Variants in TNKS observed in about 807,000 individuals in gnomAD.
The protein encoded by TNKS is tankyrase.
Under a neutral mutation model 135.8 loss-of-function variants are expected in TNKS, and 72 were observed. The ratio of observed to expected loss-of-function variants is 0.53; its 90% CI spans 0.44 to 0.64. The LOEUF is 0.64. TNKS is among the 30% of genes least tolerant of loss of function. The pLI is 0.00. For synonymous variants in TNKS, 849 were observed against 649.3 expected (o/e 1.31, Z -4.68); for missense variants, 1,769 against 1,674.0 (o/e 1.06, Z -0.99).
intron 17 of TNKS, among the ~76,000 whole-genome samples, chr8:9,746,137 C>G (rs564284289): frequency 6.6e-6 from 1 of 152,052 alleles, no homozygotes; most frequent in Non-Finnish European, 1.5e-5. Context: ...CCAAACTGAC[C>G]AAGTTATGCC....
chr8:9,740,058 A>T (rs1484557591), intron 17 of TNKS, among the ~76,000 whole-genome samples: 16 of 22,714 alleles, frequency 7.0e-4, no homozygotes, highest in African/African-American at 1.5e-3. Context: ...AGTATAATAA[A>T]AAAAAAAAAA....
At chr8:9,655,716 G>C (rs547331126) in intron 3 of TNKS, among the ~76,000 whole-genome samples, 1 of 152,186 alleles carries the variant, frequency 6.6e-6, no homozygotes, top group African/African-American at 2.4e-5. Flanking sequence ...CAAACAGAAA[G>C]GACATCCACA....
At chr8:9,747,987 C>A (rs34614689) in intron 17 of TNKS, 37 bp from the exon 18 acceptor site, 126,728 of 1,560,262 alleles carry the variant, frequency 0.081, 6,216 homozygotes, top group South Asian at 0.17. Context: ...CAGATGATCT[C>A]ATTCTTAACT....
chr8:9,590,245 TTCTC>T (rs1798541042), intron 2 of TNKS, among the ~76,000 whole-genome samples: 1 of 152,064 alleles, frequency 6.6e-6, no homozygotes. Flanking sequence ...TTCCCTCCCT[TTCTC>T]TCCACCTTCC....
intron 5 of TNKS, among the ~76,000 whole-genome samples, chr8:9,684,885 A>C (rs1055150916): frequency 6.6e-6 from 1 of 152,156 alleles, no homozygotes; most frequent in African/African-American, 2.4e-5. Flanking sequence ...AAGCTAATGC[A>C]TTAAAATGAT....
At chr8:9,716,290 T>A (rs1186917013) in intron 11 of TNKS, among the ~76,000 whole-genome samples, 2 of 152,138 alleles carry the variant, frequency 1.3e-5, no homozygotes, top group Non-Finnish European at 2.9e-5. Context: ...AGAGGTAGAT[T>A]GATAAGTAGA....
intron 12 of TNKS, among the ~76,000 whole-genome samples, chr8:9,723,390 A>G (rs1310357386): frequency 1.4e-5 from 2 of 143,856 alleles, no homozygotes; most frequent in Non-Finnish European, 3.0e-5. Flanking sequence ...ATAACATTTT[A>G]TAAGATTCAT....
chr8:9,772,821 GTGTGTGTGTC>G (rs767714880), intron 26 of TNKS, among the ~76,000 whole-genome samples: 7,763 of 89,252 alleles, frequency 0.087, 291 homozygotes, highest in Admixed American at 0.095. Context: ...GTGTGTGTGT[GTGTGTGTGTC>G]TGTGTGTGTG....
chr8:9,581,960 C>T (rs1345981744), intron 2 of TNKS, among the ~76,000 whole-genome samples: 1 of 152,188 alleles, frequency 6.6e-6, no homozygotes, highest in Admixed American at 6.5e-5. Context: ...CCTCAGTTCA[C>T]AGTAGGCTTT....
At chr8:9,584,656 T>A (rs568595576) in intron 2 of TNKS, among the ~76,000 whole-genome samples, 1 of 152,330 alleles carries the variant, frequency 6.6e-6, no homozygotes, top group South Asian at 2.1e-4. Flanking sequence ...GGTTGCTAAA[T>A]GGAAGTTGCA....
intron 3 of TNKS, among the ~76,000 whole-genome samples, chr8:9,663,375 A>G (rs1200577121): frequency 1.3e-5 from 2 of 152,220 alleles, no homozygotes; most frequent in Non-Finnish European, 2.9e-5. Context: ...GTCAAATACA[A>G]ACACGTGTGT....
At chr8:9,603,550 T>C (rs1015506005) in intron 2 of TNKS, among the ~76,000 whole-genome samples, 2 of 152,174 alleles carry the variant, frequency 1.3e-5, no homozygotes, top group African/African-American at 4.8e-5. Context: ...TCTAAACTTT[T>C]CTCCTGACAC....
chr8:9,575,367 G>T, intron 1 of TNKS: 1 of 985,098 alleles, frequency 1.0e-6, no homozygotes, highest in Non-Finnish European at 1.2e-6. Flanking sequence ...GTGAGCCACC[G>T]CGCCCGGCGG....
rs1358718006 is a variant in TNKS at position 9,710,180 on chromosome 8, A to G, written c.1709A>G (p.His570Arg). 1.9e-6 allele frequency: 3 copies of G among 1,614,144 alleles called. No homozygotes were observed. Among genetic ancestry groups the G allele is most frequent in the Non-Finnish European group, 2.5e-6 (3 of 1,180,046 alleles). The change falls in exon 11 of 27, where the codon CAT becomes CGT. Residue 570 changes from histidine (H) to arginine (R), a missense_variant. His to Arg is a conservative substitution (Grantham distance 29, BLOSUM62 0). Coordinates refer to ENST00000310430, the MANE Select transcript of TNKS (RefSeq NM_003747.3). Reference sequence around the variant, plus strand: ...CTGCATGTTGCAGCCGAAAGAGCCCATAATGATGTCATGGAAGTTCTGCAT... The same window carrying G: ...CTGCATGTTGCAGCCGAAAGAGCCCGTAATGATGTCATGGAAGTTCTGCAT... ...TPLHVAAERA[H>R]NDVMEVLHKH...
Position 9,658,932 on chromosome 8 carries a change from A to G in TNKS, c.995-21019A>G, listed in dbSNP as rs189541428. 4.6e-5 allele frequency among the ~76,000 whole-genome samples: 7 copies of G among 152,342 alleles called. No individual in the cohort carries two copies. In the East Asian group the frequency reaches 9.6e-4, roughly 21 times the overall value. On this transcript the variant is annotated intron_variant, in intron 3 of 26. Transcript: ENST00000310430. Reference sequence around the variant, plus strand: ...AAAATAAAAAAAGGCAGGGGTTGCAATCGTAGTCTTGGATAAAACAGACTT... The same window carrying G: ...AAAATAAAAAAAGGCAGGGGTTGCAGTCGTAGTCTTGGATAAAACAGACTT...
chr8:9,753,596 A>G (rs746508474), intron 20 of TNKS, among the ~76,000 whole-genome samples: 1 of 152,246 alleles, frequency 6.6e-6, no homozygotes, highest in African/African-American at 2.4e-5. Context: ...AGCTTTAAAT[A>G]TTGAATGATG....
At chr8:9,721,048 G>A (rs1804852397) in intron 12 of TNKS, among the ~76,000 whole-genome samples, 1 of 151,858 alleles carries the variant, frequency 6.6e-6, no homozygotes, top group Admixed American at 6.6e-5. Flanking sequence ...TTGGGATGCC[G>A]AGGCAGGCAG....
intron 5 of TNKS, among the ~76,000 whole-genome samples, chr8:9,699,726 G>GATTA (rs1803706620): frequency 6.6e-6 from 1 of 152,076 alleles, no homozygotes; most frequent in Non-Finnish European, 1.5e-5. Context: ...TTCTCTCTTG[G>GATTA]ATTAGTCCTG....
chr8:9,634,345 A>G (rs147319205), intron 3 of TNKS, among the ~76,000 whole-genome samples: 9 of 152,320 alleles, frequency 5.9e-5, no homozygotes, highest in African/African-American at 9.6e-5. Context: ...TGAGCCACCT[A>G]TATTTCAAAC....
Sources: allele counts gnomAD v4.1 joint callset (sites outside exome capture counted in the v4.1 genomes callset), GRCh38; gene constraint gnomAD v4.1.1; transcripts MANE v1.5; gene names NCBI Gene and HGNC (gene_info 2026-07-23, HGNC 2026-07-21).